AGBL1: variants seen among roughly 807,000 people sequenced by gnomAD.
AGBL1 encodes AGBL carboxypeptidase 1.
A neutral mutation model predicts 118.9 loss-of-function variants in AGBL1; 130 were observed. The observed-to-expected ratio is 1.09, with a 90% confidence interval of 0.95 to 1.26. The LOEUF is 1.26. Among genes scored for constraint, AGBL1 ranks in the 50% most tolerant of loss-of-function variants. The pLI is 0.00. For missense variants in AGBL1, 1,584 were observed against 1,298.1 expected (o/e 1.22, Z -3.38); for synonymous variants, 555 against 478.9 (o/e 1.16, Z -2.08).
intron 22 of AGBL1, among the ~76,000 whole-genome samples, chr15:86,847,572 C>T (rs1357235759): frequency 6.6e-6 from 1 of 152,152 alleles, no homozygotes; most frequent in African/African-American, 2.4e-5. Flanking sequence ...CGCAGTTATG[C>T]ATAGCTTAGT....
intron 18 of AGBL1, among the ~76,000 whole-genome samples, chr15:86,441,319 G>A (rs1016201313): frequency 1.3e-5 from 2 of 152,124 alleles, no homozygotes; most frequent in African/African-American, 2.4e-5. Flanking sequence ...TTGACCTAGT[G>A]TTTTTCCTTT....
intron 18 of AGBL1, among the ~76,000 whole-genome samples, chr15:86,502,951 C>T (rs896349875): frequency 1.3e-5 from 2 of 151,200 alleles, no homozygotes; most frequent in African/African-American, 4.8e-5. Context: ...AAATTGTTTC[C>T]TTCTTATGTA....
At chr15:86,621,477 C>T (rs965845300) in intron 21 of AGBL1, among the ~76,000 whole-genome samples, 7 of 152,316 alleles carry the variant, frequency 4.6e-5, no homozygotes, top group African/African-American at 1.7e-4. Context: ...TGTGGCATTC[C>T]TCGCCTTGTA....
chr15:87,029,272 G>C (rs1001885251), downstream of AGBL1, among the ~76,000 whole-genome samples: 2 of 151,728 alleles, frequency 1.3e-5, no homozygotes, highest in Admixed American at 1.3e-4. Flanking sequence ...AGCATCAGGG[G>C]CTCAATATCC....
At chr15:86,799,189 T>G (rs1315176119) in intron 22 of AGBL1, among the ~76,000 whole-genome samples, 1 of 151,876 alleles carries the variant, frequency 6.6e-6, no homozygotes, top group Non-Finnish European at 1.5e-5. Context: ...TATTTTATTA[T>G]TATTATACTT....
chr15:86,103,765 C>T (rs1356446951), intron 1 of AGBL1, among the ~76,000 whole-genome samples: 3 of 152,176 alleles, frequency 2.0e-5, no homozygotes, highest in African/African-American at 4.8e-5. Flanking sequence ...CATGCCTTTC[C>T]TTGGTCCTCA....
At chr15:86,180,213 T>C (rs943654169) in intron 5 of AGBL1, among the ~76,000 whole-genome samples, 1 of 151,860 alleles carries the variant, frequency 6.6e-6, no homozygotes, top group Non-Finnish European at 1.5e-5. Context: ...AAAATTCATA[T>C]GGAAAGACCA....
chr15:86,202,061 A>G (rs1416019120), intron 5 of AGBL1, among the ~76,000 whole-genome samples: 12 of 152,124 alleles, frequency 7.9e-5, no homozygotes, highest in Non-Finnish European at 1.5e-4. Flanking sequence ...TGGGAGACCA[A>G]GTGGGTGGAT....
chr15:86,894,077 T>C (rs2080089264), intron 22 of AGBL1, among the ~76,000 whole-genome samples: 1 of 152,190 alleles, frequency 6.6e-6, no homozygotes, highest in Non-Finnish European at 1.5e-5. Context: ...CTAAAGTGAC[T>C]TCACTTTTGA....
At chr15:86,651,893 G>T (rs956750310) in intron 21 of AGBL1, among the ~76,000 whole-genome samples, 2 of 152,150 alleles carry the variant, frequency 1.3e-5, no homozygotes, top group Non-Finnish European at 2.9e-5. Context: ...CTCTTGAGCT[G>T]TGGTCCCACA....
chr15:86,275,035 C>T (rs910489671), intron 15 of AGBL1, among the ~76,000 whole-genome samples: 1 of 152,076 alleles, frequency 6.6e-6, no homozygotes, highest in African/African-American at 2.4e-5. Flanking sequence ...TTTTCCCTGC[C>T]TCTCGTAAAA....
chr15:86,335,514 G>A (rs1418327064), intron 17 of AGBL1, among the ~76,000 whole-genome samples: 1 of 152,130 alleles, frequency 6.6e-6, no homozygotes, highest in Admixed American at 6.5e-5. Context: ...AAATATATTG[G>A]CTAATAATTT....
intron 5 of AGBL1, among the ~76,000 whole-genome samples, chr15:86,193,615 C>G (rs976871156): frequency 6.6e-6 from 1 of 152,064 alleles, no homozygotes; most frequent in Non-Finnish European, 1.5e-5. Context: ...GTGAGTCTCT[C>G]ATTCAGGGCT....
chr15:86,935,936 G>A (rs957939864), intron 23 of AGBL1, among the ~76,000 whole-genome samples: 5 of 152,218 alleles, frequency 3.3e-5, no homozygotes, highest in Non-Finnish European at 2.9e-5. Flanking sequence ...CAAAAGATTC[G>A]CAACTGCAGC....
intron 23 of AGBL1, among the ~76,000 whole-genome samples, chr15:86,964,444 C>T (rs1454319984): frequency 1.3e-5 from 2 of 151,710 alleles, no homozygotes; most frequent in Non-Finnish European, 2.9e-5. Flanking sequence ...CAGACATGGC[C>T]AAATGTCTCC....
At chr15:86,844,730 A>G (rs1023233573) in intron 22 of AGBL1, among the ~76,000 whole-genome samples, 3 of 152,122 alleles carry the variant, frequency 2.0e-5, no homozygotes, top group African/African-American at 7.2e-5. Context: ...CAAAATGACA[A>G]TTTTAATCTT....
At chr15:86,351,427 C>G (rs1205027231) in intron 17 of AGBL1, among the ~76,000 whole-genome samples, 1 of 152,084 alleles carries the variant, frequency 6.6e-6, no homozygotes, top group African/African-American at 2.4e-5. Context: ...ATGATAGTAC[C>G]TGCTATCCAA....
chr15:86,644,517 A>C (rs1032825868), intron 21 of AGBL1, among the ~76,000 whole-genome samples: 1 of 152,156 alleles, frequency 6.6e-6, no homozygotes, highest in Non-Finnish European at 1.5e-5. Flanking sequence ...CCTTAATTCT[A>C]ACAGCATAGA....
intron 22 of AGBL1, among the ~76,000 whole-genome samples, chr15:86,726,062 C>G (rs1437282432): frequency 1.3e-5 from 2 of 152,174 alleles, no homozygotes; most frequent in African/African-American, 4.8e-5. Context: ...AATCATCTAG[C>G]AATACTGTCA....
Sources: allele counts gnomAD v4.1 joint callset (sites outside exome capture counted in the v4.1 genomes callset), GRCh38; gene constraint gnomAD v4.1.1; transcripts MANE v1.5; gene names NCBI Gene and HGNC (gene_info 2026-07-23, HGNC 2026-07-21).